Variants in NRG1 observed in about 807,000 individuals in gnomAD.
NRG1 encodes neuregulin 1.
Under a neutral mutation model 63.8 loss-of-function variants are expected in NRG1, and 18 were observed. That is an observed-to-expected ratio of 0.28 (90% CI 0.19 to 0.42). NRG1 has a LOEUF of 0.42. NRG1 is among the 10% of genes least tolerant of loss of function. The pLI is 1.00. For synonymous variants in NRG1, 302 were observed against 301.3 expected, an observed-to-expected ratio of 1.00 and a Z score of -0.02; for missense variants, 762 against 814.7, an observed-to-expected ratio of 0.94 and a Z score of 0.79.
chr8:32,763,835 G>A, exon 12 of NRG1: 1 of 1,613,590 alleles, frequency 6.2e-7, no homozygotes, highest in Non-Finnish European at 8.5e-7. Flanking sequence ...CTTCGGAAAT[G>A]TCTCCACCCG....
chr8:32,670,458 G>T (rs141983601), intron 5 of NRG1, among the ~76,000 whole-genome samples: 92 of 152,120 alleles, frequency 6.0e-4, no homozygotes, highest in African/African-American at 2.1e-3. Context: ...CTGACTATAA[G>T]GGTTATTAGT....
At chr8:32,199,842 C>T (rs555127426) in intron 1 of NRG1, among the ~76,000 whole-genome samples, 4 of 152,030 alleles carry the variant, frequency 2.6e-5, no homozygotes, top group Admixed American at 6.6e-5. Flanking sequence ...TGCAATGACA[C>T]GATCTTAGTT....
chr8:32,254,031 T>G (rs1385641759), intron 1 of NRG1, among the ~76,000 whole-genome samples: 1 of 152,188 alleles, frequency 6.6e-6, no homozygotes, highest in Non-Finnish European at 1.5e-5. Context: ...GGATCAGTGG[T>G]GATATCCCCT....
At chr8:31,998,023 G>A (rs1466537979) in intron 1 of NRG1, among the ~76,000 whole-genome samples, 5 of 151,918 alleles carry the variant, frequency 3.3e-5, no homozygotes, top group East Asian at 1.9e-4. Flanking sequence ...ATCAAAGCCC[G>A]TAAAGATTTT....
At chr8:32,562,683 GGTAA>G (rs1275315260) in intron 1 of NRG1, among the ~76,000 whole-genome samples, 3 of 152,210 alleles carry the variant, frequency 2.0e-5, no homozygotes, top group South Asian at 4.1e-4. Flanking sequence ...TGAGAATGTG[GGTAA>G]GTGTGTGAGC....
chr8:32,610,274 TCA>T (rs1346106409), intron 3 of NRG1, among the ~76,000 whole-genome samples: 1 of 152,146 alleles, frequency 6.6e-6, no homozygotes, highest in Non-Finnish European at 1.5e-5. Context: ...ACTTAAATTC[TCA>T]CACAGTTACT....
intron 1 of NRG1, among the ~76,000 whole-genome samples, chr8:32,575,364 A>G (rs905617801): frequency 6.7e-6 from 1 of 149,968 alleles, no homozygotes; most frequent in African/African-American, 2.5e-5. Context: ...TAGTTGACTA[A>G]TTACTAGTTC....
At chr8:31,682,891 G>C (rs1808485169) in intron 1 of NRG1, among the ~76,000 whole-genome samples, 2 of 152,118 alleles carry the variant, frequency 1.3e-5, no homozygotes, top group Admixed American at 1.3e-4. Flanking sequence ...AACAGAATTG[G>C]TGATAATGCT....
intron 1 of NRG1, among the ~76,000 whole-genome samples, chr8:32,296,978 G>T (rs1290798209): frequency 6.6e-6 from 1 of 152,004 alleles, no homozygotes; most frequent in African/African-American, 2.4e-5. Context: ...AGCTGGGCGT[G>T]GTGGCCCGCA....
intron 1 of NRG1, among the ~76,000 whole-genome samples, chr8:32,427,123 C>T (rs1817483932): frequency 6.6e-6 from 1 of 151,924 alleles, no homozygotes; most frequent in Non-Finnish European, 1.5e-5. Flanking sequence ...AATTGTAAGT[C>T]ATCAGAATGC....
intron 1 of NRG1, among the ~76,000 whole-genome samples, chr8:31,659,686 A>G (rs574025193): frequency 6.6e-6 from 1 of 152,296 alleles, no homozygotes; most frequent in East Asian, 1.9e-4. Context: ...ACTGGAGGGC[A>G]GGGTGGTTGC....
chr8:31,924,228 G>T (rs747368288), intron 1 of NRG1, among the ~76,000 whole-genome samples: 6 of 151,690 alleles, frequency 4.0e-5, no homozygotes, highest in African/African-American at 1.5e-4. Context: ...AGTGGTGCAC[G>T]CCTGTAGTCC....
intron 1 of NRG1, among the ~76,000 whole-genome samples, chr8:31,895,685 A>G (rs1831524365): frequency 6.6e-6 from 1 of 152,066 alleles, no homozygotes. Flanking sequence ...CTACACACGA[A>G]TGTGGGCCAG....
chr8:32,172,056 C>G (rs201560821), intron 1 of NRG1, among the ~76,000 whole-genome samples: 1 of 152,138 alleles, frequency 6.6e-6, no homozygotes, highest in Non-Finnish European at 1.5e-5. Context: ...TCCTCAAGTG[C>G]GTCCCTGACC....
At chr8:31,824,021 T>A (rs534586193) in intron 1 of NRG1, among the ~76,000 whole-genome samples, 23 of 152,114 alleles carry the variant, frequency 1.5e-4, no homozygotes, top group South Asian at 4.1e-4. Flanking sequence ...TCTTTTTTTT[T>A]ATATTTTTTA....
chr8:32,641,610 A>G (rs1392108460), intron 5 of NRG1, among the ~76,000 whole-genome samples: 2 of 152,226 alleles, frequency 1.3e-5, no homozygotes, highest in Non-Finnish European at 2.9e-5. Context: ...CATTTACTGT[A>G]TCTTCAGTTA....
At chr8:32,295,212 C>A (rs927192045) in intron 1 of NRG1, among the ~76,000 whole-genome samples, 3 of 152,082 alleles carry the variant, frequency 2.0e-5, no homozygotes, top group African/African-American at 7.2e-5. Context: ...TGTGTAATTT[C>A]TCCAAATAAT....
chr8:32,105,263 G>A (rs988380121), intron 1 of NRG1, among the ~76,000 whole-genome samples: 9 of 152,064 alleles, frequency 5.9e-5, no homozygotes, highest in Non-Finnish European at 1.0e-4. Flanking sequence ...TCGTTTTCAC[G>A]CTGCTGATAA....
In NRG1 at chr8:31,789,808, A is replaced by C. The variant is rs148688466; in HGVS notation, c.37+150377A>C. On this transcript the variant is annotated intron_variant, in intron 1 of 10. Transcript: ENST00000519301. ...ATGATCACTTAATGAATTTATGTTC[A>C]TTATATTTCATATGCAGCCTGAAAT... Among the ~76,000 whole-genome samples the C allele has an allele frequency of 3.5e-4, 54 of 152,298 alleles. 1 individual carries two copies. The highest frequency in any genetic ancestry group is 1.3e-3 in the African/African-American group (53 of 41,566).
Sources: allele counts gnomAD v4.1 joint callset (sites outside exome capture counted in the v4.1 genomes callset), GRCh38; gene constraint gnomAD v4.1.1; transcripts MANE v1.5; gene names NCBI Gene and HGNC (gene_info 2026-07-23, HGNC 2026-07-21).